ACOXL: variants seen among roughly 807,000 people sequenced by gnomAD.
The protein encoded by ACOXL is acyl-coenzyme A oxidase-like protein.
Under a neutral mutation model 71.9 loss-of-function variants are expected in ACOXL, and 70 were observed. The observed-to-expected ratio is 0.97, with a 90% CI of 0.80 to 1.19. ACOXL has a LOEUF of 1.19. Ranked by LOEUF, ACOXL falls within the 50% of genes most tolerant of loss-of-function variation. The pLI is 0.00. For synonymous variants in ACOXL, 253 were observed against 281.6 expected (o/e 0.90, Z 1.02); for missense variants, 703 against 736.3 (o/e 0.95, Z 0.52).
chr2:110,949,560 C>T (rs1367145230), intron 12 of ACOXL, among the ~76,000 whole-genome samples: 1 of 152,152 alleles, frequency 6.6e-6, no homozygotes, highest in African/African-American at 2.4e-5. Context: ...TTTACAAAGA[C>T]AGACGATAAA....
chr2:111,092,779 T>C, intron 16 of ACOXL, 86 bp from the exon 17 acceptor site: 1 of 915,488 alleles, frequency 1.1e-6, no homozygotes, highest in Non-Finnish European at 1.8e-6. Flanking sequence ...TGTAATATTA[T>C]GTTATTTCTC....
chr2:110,997,025 A>T (rs1222163986), intron 14 of ACOXL, among the ~76,000 whole-genome samples: 2 of 152,214 alleles, frequency 1.3e-5, no homozygotes, highest in Non-Finnish European at 2.9e-5. Flanking sequence ...TTGGGTTTAA[A>T]TCACTCCACA....
chr2:111,077,961 G>T (rs2067687893), intron 16 of ACOXL, among the ~76,000 whole-genome samples: 1 of 152,160 alleles, frequency 6.6e-6, no homozygotes, highest in Non-Finnish European at 1.5e-5. Context: ...GGTTTTGCCA[G>T]ATTTAGGGAG....
intron 10 of ACOXL, among the ~76,000 whole-genome samples, chr2:110,885,232 C>T (rs1260091529): frequency 6.6e-6 from 1 of 152,074 alleles, no homozygotes; most frequent in East Asian, 1.9e-4. Context: ...CCAAAAAGAG[C>T]AAGGCCAAGT....
chr2:110,847,722 C>T (rs1244002137), intron 10 of ACOXL, among the ~76,000 whole-genome samples: 3 of 152,194 alleles, frequency 2.0e-5, no homozygotes, highest in Admixed American at 6.5e-5. Flanking sequence ...TCACCGGCCC[C>T]GTAAGAGGCC....
At chr2:110,736,342 A>G (rs1676841752) in intron 1 of ACOXL, among the ~76,000 whole-genome samples, 1 of 152,132 alleles carries the variant, frequency 6.6e-6, no homozygotes, top group Non-Finnish European at 1.5e-5. Context: ...ACATTTCATC[A>G]TCCCAAATGG....
At chr2:110,952,407 C>T (rs1462754193) in intron 12 of ACOXL, among the ~76,000 whole-genome samples, 1 of 152,080 alleles carries the variant, frequency 6.6e-6, no homozygotes, top group African/African-American at 2.4e-5. Flanking sequence ...AAGTTTTTGG[C>T]TTTGTTGATC....
chr2:110,947,394 A>G (rs1413390917), intron 12 of ACOXL, among the ~76,000 whole-genome samples: 11 of 152,212 alleles, frequency 7.2e-5, no homozygotes, highest in Admixed American at 7.2e-4. Context: ...GAGATGGGAC[A>G]GGTCCCTTGT....
chr2:110,774,970 G>A (rs937125860), intron 2 of ACOXL, among the ~76,000 whole-genome samples: 7 of 152,202 alleles, frequency 4.6e-5, no homozygotes, highest in African/African-American at 9.7e-5. Flanking sequence ...AAAGACAGGC[G>A]TAGAGACCAA....
At position 110,829,091 on chromosome 2, in the gene ACOXL, G is replaced by T. The variant is rs558778774; in HGVS notation, c.754-12280G>T. Among the ~76,000 whole-genome samples, 5 of 152,334 alleles carry T rather than the reference G, an allele frequency of 3.3e-5. No homozygotes were observed. In the East Asian group the frequency reaches 9.6e-4, roughly 29 times the overall value. On this transcript the variant is annotated intron_variant, in intron 9 of 17. Transcript: ENST00000439055. Reference sequence around the variant, plus strand: ...CTCCCAAAGTGCTGGGATTATAGGCGTGAGCCACCGTGCCCAGCCTATCTT... The same window carrying T: ...CTCCCAAAGTGCTGGGATTATAGGCTTGAGCCACCGTGCCCAGCCTATCTT...
intron 13 of ACOXL, among the ~76,000 whole-genome samples, chr2:110,990,790 G>A (rs1168555597): frequency 6.6e-6 from 1 of 152,058 alleles, no homozygotes; most frequent in Non-Finnish European, 1.5e-5. Context: ...TGTTAGTTTG[G>A]TGAATAATTT....
intron 10 of ACOXL, among the ~76,000 whole-genome samples, chr2:110,876,951 G>T (rs982536196): frequency 6.6e-6 from 1 of 152,156 alleles, no homozygotes. Flanking sequence ...TATTGAAACT[G>T]AGCCTGGTAG....
chr2:111,065,959 G>C (rs2067051076), intron 16 of ACOXL, among the ~76,000 whole-genome samples: 1 of 152,186 alleles, frequency 6.6e-6, no homozygotes, highest in Non-Finnish European at 1.5e-5. Flanking sequence ...CTCTGAAAAA[G>C]AGTGTAGCAG....
chr2:111,040,173 C>G (rs547500340), intron 15 of ACOXL, among the ~76,000 whole-genome samples: 1 of 152,308 alleles, frequency 6.6e-6, no homozygotes, highest in East Asian at 1.9e-4. Context: ...CCTGTGGCAG[C>G]TGTGAGCAGC....
chr2:111,073,656 G>GTATAACTTTA, intron 16 of ACOXL, among the ~76,000 whole-genome samples: 1 of 152,182 alleles, frequency 6.6e-6, no homozygotes, highest in African/African-American at 2.4e-5. Flanking sequence ...ATCTTCATTA[G>GTATAACTTTA]TATAACTTTA....
At chr2:111,010,740 G>A (rs1031620895) in intron 14 of ACOXL, among the ~76,000 whole-genome samples, 2 of 152,118 alleles carry the variant, frequency 1.3e-5, no homozygotes. Context: ...TAGAATGATG[G>A]TTCACTTTTC....
At chr2:111,064,662 T>C (rs2066980500) in intron 16 of ACOXL, among the ~76,000 whole-genome samples, 1 of 152,180 alleles carries the variant, frequency 6.6e-6, no homozygotes, top group Non-Finnish European at 1.5e-5. Context: ...GATCTGTGAT[T>C]GATTGAATCC....
chr2:111,040,692 G>C (rs2065739567), intron 15 of ACOXL, among the ~76,000 whole-genome samples: 1 of 152,192 alleles, frequency 6.6e-6, no homozygotes, highest in Non-Finnish European at 1.5e-5. Context: ...CAGCATTTGA[G>C]ACTTTGCCTT....
chr2:111,087,011 A>T (rs141717193), intron 16 of ACOXL, among the ~76,000 whole-genome samples: 201 of 152,304 alleles, frequency 1.3e-3, no homozygotes, highest in African/African-American at 4.6e-3. Flanking sequence ...CACCAACAAA[A>T]TCCAAGTTCA....
Sources: gnomAD v4.1 joint callset for allele counts (sites outside exome capture counted in the v4.1 genomes callset) on GRCh38, gnomAD v4.1.1 for gene constraint, MANE v1.5 for transcripts, NCBI Gene and HGNC (gene_info 2026-07-23, HGNC 2026-07-21) for gene names.